EPC1: variants seen among roughly 807,000 people sequenced by gnomAD.
EPC1 encodes enhancer of polycomb 1.
A neutral mutation model predicts 98.4 loss-of-function variants in EPC1; 12 were observed. That is an observed-to-expected ratio of 0.12 (90% CI 0.08 to 0.20). The LOEUF is 0.20. Ranked by LOEUF, EPC1 falls within the 10% of genes least tolerant of loss-of-function variation. The probability of loss-of-function intolerance (pLI) is 1.00; values close to 1 mark genes in which losing one functional copy is unlikely to be tolerated. For missense variants in EPC1, 729 were observed against 990.5 expected (o/e 0.74, Z 3.54); for synonymous variants, 357 against 363.9 (o/e 0.98, Z 0.21).
chr10:32,291,030 G>A (rs1836997025), intron 6 of EPC1, 133 bp downstream of exon 6: 12 of 737,600 alleles, frequency 1.6e-5, no homozygotes, highest in East Asian at 1.4e-4. Context: ...ACCCACCTCC[G>A]TGTCCCGAAG....
At chr10:32,316,867 T>G (rs925552367) in intron 1 of EPC1, among the ~76,000 whole-genome samples, 4 of 152,220 alleles carry the variant, frequency 2.6e-5, no homozygotes, top group Admixed American at 6.5e-5. Context: ...TACTGAAGTA[T>G]TTAGGAAAAC....
chr10:32,361,673 C>T (rs1458700326), intron 1 of EPC1, among the ~76,000 whole-genome samples: 5 of 152,176 alleles, frequency 3.3e-5, no homozygotes, highest in Admixed American at 6.5e-5. Flanking sequence ...AGCTTCAGAG[C>T]GAAACTCTCA....
At chr10:32,333,049 C>A (rs979854754) in intron 1 of EPC1, among the ~76,000 whole-genome samples, 1 of 152,130 alleles carries the variant, frequency 6.6e-6, no homozygotes, top group Non-Finnish European at 1.5e-5. Context: ...CATATAAAAA[C>A]CAGAAATTTT....
intron 1 of EPC1, among the ~76,000 whole-genome samples, chr10:32,372,087 A>G (rs1839766477): frequency 6.6e-6 from 1 of 152,244 alleles, no homozygotes; most frequent in African/African-American, 2.4e-5. Context: ...TTATCATGGC[A>G]GACAGCCTCT....
chr10:32,273,175 G>A lies in EPC1; in HGVS notation c.1851C>T (p.Thr617=). The change falls in exon 11 of 14, where the codon ACC becomes ACT. Residue 617 remains threonine (T), a synonymous_variant. Coordinates refer to ENST00000319778, the MANE Select transcript of EPC1 (RefSeq NM_001272004.3). ...ACAAATCCCTCACCTGTGATGTGTT[G>A]GTGGAGGAATTACTATTTGCTTGCT... ...QQQQANSNSS[T]NTSQGFVSKT... The A allele has an allele frequency of 1.2e-6, 2 of 1,614,118 alleles. No individual in the cohort carries two copies. Among genetic ancestry groups the A allele is most frequent in the Non-Finnish European group, 1.7e-6 (2 of 1,179,996 alleles).
In EPC1 at chr10:32,343,732, C is replaced by T. The variant is rs1023654458; in HGVS notation, c.153+3031G>A. Among the ~76,000 whole-genome samples the T allele has an allele frequency of 3.0e-4, 44 of 146,748 alleles. No individual in the cohort carries two copies. The East Asian group carries it at 6.3e-3, about 21-fold the overall frequency. On this transcript the variant is annotated intron_variant, in intron 1 of 13. Transcript: ENST00000319778. ...TAAGGGCTTCTACTTAAAGTTGTTT[C>T]TTAAAAAGTCTGCCTCGTTAGGCCC...
At chr10:32,290,963 G>C (rs1564527928) in intron 6 of EPC1, among the ~76,000 whole-genome samples, 200 bp downstream of exon 6, 1 of 152,000 alleles carries the variant, frequency 6.6e-6, no homozygotes. Flanking sequence ...TTTTAGTAGA[G>C]ACGGGGTTTC....
intron 1 of EPC1, among the ~76,000 whole-genome samples, chr10:32,358,022 T>C (rs915679865): frequency 6.6e-6 from 1 of 151,826 alleles, no homozygotes; most frequent in Non-Finnish European, 1.5e-5. Context: ...ACCCAGCTAA[T>C]TTTTGTATTT....
chr10:32,276,988 T>C (rs1372491730), intron 10 of EPC1, among the ~76,000 whole-genome samples: 2 of 152,116 alleles, frequency 1.3e-5, no homozygotes, highest in African/African-American at 4.8e-5. Context: ...CTCTTAGAGA[T>C]TGTAGGATTT....
At chr10:32,330,493 C>T (rs1165658308) in intron 1 of EPC1, among the ~76,000 whole-genome samples, 1 of 152,104 alleles carries the variant, frequency 6.6e-6, no homozygotes, top group Non-Finnish European at 1.5e-5. Flanking sequence ...CCCCAGCAAT[C>T]GTTTTAGAAG....
intron 1 of EPC1, among the ~76,000 whole-genome samples, chr10:32,336,290 G>A (rs1190765344): frequency 1.0e-5 from 1 of 96,638 alleles, no homozygotes; most frequent in Admixed American, 1.2e-4. Context: ...GGCTGGTCTC[G>A]AACTCCTGAG....
At chr10:32,340,306 A>G (rs61464006) in intron 1 of EPC1, among the ~76,000 whole-genome samples, 4,998 of 152,336 alleles carry the variant, frequency 0.033, 274 homozygotes, top group African/African-American at 0.11. Flanking sequence ...AGTAGATGTA[A>G]TAAGTACAGC....
chr10:32,317,753 A>C (rs1836641521), intron 1 of EPC1, among the ~76,000 whole-genome samples: 1 of 152,240 alleles, frequency 6.6e-6, no homozygotes, highest in African/African-American at 2.4e-5. Flanking sequence ...GCAATTTAAT[A>C]TCTATTATAT....
At chr10:32,293,472 T>C (rs1346484518) in intron 3 of EPC1, 120 bp downstream of exon 3, 3 of 964,328 alleles carry the variant, frequency 3.1e-6, no homozygotes, top group Non-Finnish European at 3.0e-6. Context: ...TTTGAATTCA[T>C]ACTTTTTAAC....
intron 1 of EPC1, among the ~76,000 whole-genome samples, chr10:32,318,604 C>G (rs1286651925): frequency 6.6e-6 from 1 of 152,232 alleles, no homozygotes; most frequent in Non-Finnish European, 1.5e-5. Flanking sequence ...TGCTCCATGA[C>G]TCTCCAAATC....
At chr10:32,287,380 C>T in intron 6 of EPC1, 106 bp from the exon 7 acceptor site, 1 of 1,102,414 alleles carries the variant, frequency 9.1e-7, no homozygotes, top group Non-Finnish European at 1.3e-6. Flanking sequence ...TGAGGGCATT[C>T]ATATTCATAA....
chr10:32,288,237 A>G (rs1171689244), intron 6 of EPC1, among the ~76,000 whole-genome samples: 1 of 152,078 alleles, frequency 6.6e-6, no homozygotes, highest in Non-Finnish European at 1.5e-5. Context: ...GCAATGCAAA[A>G]CATTATTTAA....
chr10:32,306,232 G>A (rs1320642830), intron 1 of EPC1, among the ~76,000 whole-genome samples: 1 of 152,220 alleles, frequency 6.6e-6, no homozygotes, highest in Non-Finnish European at 1.5e-5. Flanking sequence ...TTACGGATGA[G>A]ACGTGGAGAA....
chr10:32,346,740 C>T (rs752560579), intron 1 of EPC1, 23 bp downstream of exon 1: 1 of 1,607,002 alleles, frequency 6.2e-7, no homozygotes, highest in Non-Finnish European at 8.5e-7. Flanking sequence ...GACGGTGGGT[C>T]GGACAGGGGA....
Sources: allele counts gnomAD v4.1 joint callset (sites outside exome capture counted in the v4.1 genomes callset), GRCh38; gene constraint gnomAD v4.1.1; transcripts MANE v1.5; gene names NCBI Gene and HGNC (gene_info 2026-07-23, HGNC 2026-07-21).